The following ATP13A4 variants were observed in gnomAD, a reference collection of about 807,000 sequenced individuals.
ATP13A4 encodes probable cation-transporting ATPase 13A4.
In ATP13A4, 114 loss-of-function variants were observed where a neutral mutation model predicts 142.5. The ratio of observed to expected loss-of-function variants is 0.80; its 90% CI spans 0.69 to 0.93. The LOEUF is 0.93. Among genes scored for constraint, ATP13A4 ranks in the 40% least tolerant of loss-of-function variants. The pLI is 0.00. For missense variants in ATP13A4, 1,392 were observed against 1,454.0 expected, an observed-to-expected ratio of 0.96 and a Z score of 0.69; for synonymous variants, 488 against 514.8, an observed-to-expected ratio of 0.95 and a Z score of 0.70.
rs7647127 is a variant in ATP13A4, at chr3:193,580,248, C to T, written n.291+1459G>A. 9.2e-3 allele frequency among the ~76,000 whole-genome samples: 1,403 copies of T among 152,276 alleles called. 25 individuals carry two copies. The highest frequency in any genetic ancestry group is 0.033 in the African/African-American group (1,366 of 41,546). On this transcript the variant is annotated intron_variant and non_coding_transcript_variant, in intron 2 of 3. Transcript: ENST00000489140. ...TAATTTTGTCTTCTCTAAATGCAAG[C>T]ACCACTGCTGTTTAGGTGGGCCTCC...
At chr3:193,519,626 A>ATTTTTTTTTTTT (rs147173408) in intron 1 of ATP13A4, among the ~76,000 whole-genome samples, 4 of 69,010 alleles carry the variant, frequency 5.8e-5, no homozygotes, top group Non-Finnish European at 7.5e-5. Flanking sequence ...GCAATTTGTA[A>ATTTTTTTTTTTT]TTTTTTTTTT....
intron 1 of ATP13A4, among the ~76,000 whole-genome samples, chr3:193,534,616 AG>A (rs1445738604): frequency 1.3e-5 from 2 of 152,184 alleles, no homozygotes; most frequent in African/African-American, 4.8e-5. Flanking sequence ...AGCAAAATAG[AG>A]GGACAGAGAA....
At chr3:193,523,691 G>T (rs1721846764) in intron 1 of ATP13A4, among the ~76,000 whole-genome samples, 1 of 152,196 alleles carries the variant, frequency 6.6e-6, no homozygotes, top group Non-Finnish European at 1.5e-5. Flanking sequence ...TTATTCATTT[G>T]TGTCCTTTAT....
At chr3:193,505,056 A>G (rs1720784919) in intron 2 of ATP13A4, among the ~76,000 whole-genome samples, 1 of 152,206 alleles carries the variant, frequency 6.6e-6, no homozygotes, top group Non-Finnish European at 1.5e-5. Context: ...TGCTCAAGCC[A>G]GTCTGAAACT....
intron 7 of ATP13A4, among the ~76,000 whole-genome samples, chr3:193,485,924 C>CAAAAAA (rs11384516): frequency 7.5e-6 from 1 of 132,582 alleles, no homozygotes. Context: ...GCTTATAAGC[C>CAAAAAA]AAAAAAAAAA....
At chr3:193,405,404 G>C (rs9878622) in intron 29 of ATP13A4, among the ~76,000 whole-genome samples, 2 of 151,938 alleles carry the variant, frequency 1.3e-5, no homozygotes, top group African/African-American at 4.8e-5. Flanking sequence ...AAGTGTAATC[G>C]ATAAAGCATA....
chr3:193,491,737 C>T (rs1056455523), intron 5 of ATP13A4, among the ~76,000 whole-genome samples: 14 of 152,044 alleles, frequency 9.2e-5, no homozygotes, highest in African/African-American at 2.9e-4. Flanking sequence ...TCCTCAATTC[C>T]GGTTTTATTA....
chr3:193,581,316 T>C (rs557095226), intron 2 of ATP13A4, among the ~76,000 whole-genome samples: 64 of 152,308 alleles, frequency 4.2e-4, no homozygotes, highest in Admixed American at 2.6e-4. Context: ...CATCACTTTC[T>C]TAAGATTAGA....
chr3:193,466,142 G>C lies in ATP13A4; in HGVS notation c.1155C>G (p.Leu385=), dbSNP rs777868483. Residue 385 remains leucine, a synonymous_variant, in exon 11 of 30, where the codon CTC becomes CTG. Transcript: ENST00000342695. ...TAKGDLVRSI[L]YPKPVNFQLY... is the part of the protein sequence containing the mutation. ...ACTGAAAATTCACTGGCTTAGGGTA[G>C]AGAATGGATCTCACAAGGTCTCCCT... The C allele has an allele frequency of 6.2e-7, 1 of 1,614,110 alleles. No individual in the cohort carries two copies. The highest frequency in any genetic ancestry group is 8.5e-7 in the Non-Finnish European group (1 of 1,179,982).
chr3:193,467,040 G>T (rs1223952381), intron 10 of ATP13A4, among the ~76,000 whole-genome samples: 2 of 151,990 alleles, frequency 1.3e-5, no homozygotes, highest in Non-Finnish European at 2.9e-5. Context: ...AACTTAAAAT[G>T]CATAATTGGA....
At chr3:193,505,616 T>C (rs1457385806) in intron 2 of ATP13A4, among the ~76,000 whole-genome samples, 1 of 152,164 alleles carries the variant, frequency 6.6e-6, no homozygotes, top group African/African-American at 2.4e-5. Flanking sequence ...TTCTGTATGA[T>C]ACAAAGTAGA....
chr3:193,582,470 T>G (rs1393695307), intron 1 of ATP13A4, among the ~76,000 whole-genome samples: 2 of 145,846 alleles, frequency 1.4e-5, no homozygotes, highest in Non-Finnish European at 1.5e-5. Flanking sequence ...AATATATGCA[T>G]GTACATATAA....
intron 1 of ATP13A4, among the ~76,000 whole-genome samples, chr3:193,548,976 T>C (rs972777021): frequency 1.3e-5 from 2 of 152,166 alleles, no homozygotes; most frequent in Non-Finnish European, 2.9e-5. Flanking sequence ...CATACAAAGA[T>C]GTGTTCAACT....
intron 1 of ATP13A4, among the ~76,000 whole-genome samples, chr3:193,532,475 A>G (rs1469227174): frequency 6.6e-6 from 1 of 150,584 alleles, no homozygotes; most frequent in Non-Finnish European, 1.5e-5. Flanking sequence ...AATAAGGCTG[A>G]AGGGAAAGCT....
chr3:193,529,284 T>A lies in ATP13A4; in HGVS notation c.61-14413A>T, dbSNP rs544153546. Among the ~76,000 whole-genome samples the A allele has an allele frequency of 3.7e-3, 561 of 150,674 alleles. 5 individuals are homozygous for A. The highest frequency in any genetic ancestry group is 0.013 in the African/African-American group (529 of 41,048). On this transcript the variant is annotated intron_variant, in intron 1 of 29. Coordinates refer to ENST00000342695, the MANE Select transcript of ATP13A4 (RefSeq NM_032279.4). The stretch of plus-strand genomic sequence containing the variant: ...GACTCTGTCTCCAAAAAAAAAAAAA[T>A]TGACTTGGCATTATTCTACTTCCTA...
chr3:193,404,701 C>T (rs1023385044), intron 29 of ATP13A4, among the ~76,000 whole-genome samples: 2 of 152,120 alleles, frequency 1.3e-5, no homozygotes, highest in Non-Finnish European at 2.9e-5. Flanking sequence ...TTCTTGGGGC[C>T]TCTCCAGCCA....
At chr3:193,435,989 T>C (rs1157681248) in intron 23 of ATP13A4, among the ~76,000 whole-genome samples, 2 of 152,184 alleles carry the variant, frequency 1.3e-5, no homozygotes, top group African/African-American at 4.8e-5. Context: ...GAGTCCAGAT[T>C]TACAGTTGCT....
intron 2 of ATP13A4, among the ~76,000 whole-genome samples, chr3:193,506,188 A>C (rs1379255782): frequency 1.3e-5 from 2 of 152,196 alleles, no homozygotes; most frequent in South Asian, 4.1e-4. Flanking sequence ...CTTCTACTTT[A>C]GTCTGTTTCC....
chr3:193,494,399 AT>A (rs1414000396), intron 3 of ATP13A4, among the ~76,000 whole-genome samples: 1 of 152,110 alleles, frequency 6.6e-6, no homozygotes, highest in East Asian at 1.9e-4. Flanking sequence ...GTCTTAACAA[AT>A]TTTAAAATCA....
Sources: allele counts gnomAD v4.1 joint callset (sites outside exome capture counted in the v4.1 genomes callset), GRCh38; gene constraint gnomAD v4.1.1; transcripts MANE v1.5; gene names NCBI Gene and HGNC (gene_info 2026-07-23, HGNC 2026-07-21).